Variants in PUDP observed in about 807,000 individuals in gnomAD.
PUDP encodes pseudouridine 5'-phosphatase.
PUDP carries 8 observed loss-of-function variants against 9.4 expected under a neutral mutation model. The observed-to-expected ratio is 0.85, with a 90% CI of 0.50 to 1.53. The LOEUF is 1.53. Ranked by LOEUF, PUDP falls within the 40% of genes most tolerant of loss-of-function variation. The probability of loss-of-function intolerance (pLI) is 0.00; values close to 1 mark genes in which losing one functional copy is unlikely to be tolerated. For missense variants in PUDP, 188 were observed against 189.7 expected (o/e 0.99, Z 0.05); for synonymous variants, 99 against 80.7 (o/e 1.23, Z -1.22).
At chrX:7,103,968 C>T (rs910448073) in intron 2 of PUDP, among the ~76,000 whole-genome samples, 2 of 111,881 alleles carry the variant, frequency 1.8e-5, no homozygotes, top group Non-Finnish European at 3.8e-5. Flanking sequence ...AATGGTGTAA[C>T]AACTATGGAA....
At chrX:7,047,422 T>A (rs1929997195), downstream of PUDP, among the ~76,000 whole-genome samples, 1 of 112,378 alleles carries the variant, frequency 8.9e-6, no homozygotes, top group Admixed American at 9.4e-5. Flanking sequence ...ATTGTGTGGC[T>A]AATGAAGGAG....
chrX:6,708,274 C>T (rs1328446520), intron 1 of PUDP, among the ~76,000 whole-genome samples: 1 of 111,101 alleles, frequency 9.0e-6, no homozygotes, highest in African/African-American at 3.3e-5. Flanking sequence ...GCAAGGATGC[C>T]CCAAGCAGTG....
chrX:6,850,275 G>A (rs979711817), intron 3 of PUDP, among the ~76,000 whole-genome samples: 1 of 112,045 alleles, frequency 8.9e-6, no homozygotes, highest in Non-Finnish European at 1.9e-5. Flanking sequence ...TAAAGTGCAC[G>A]TCAGTTGTTC....
intron 3 of PUDP, among the ~76,000 whole-genome samples, chrX:6,780,164 C>T (rs1264278626): frequency 9.1e-6 from 1 of 109,514 alleles, no homozygotes; most frequent in Non-Finnish European, 1.9e-5. Flanking sequence ...CATATATACA[C>T]ATACACACAC....
At chrX:7,116,974 C>T in intron 1 of PUDP, 1 of 1,167,081 alleles carries the variant, frequency 8.6e-7, no homozygotes, top group Non-Finnish European at 1.1e-6. Context: ...ACCCGTCCAC[C>T]GTGATTGTAA....
At chrX:6,823,113 G>A (rs1165120911) in intron 3 of PUDP, among the ~76,000 whole-genome samples, 1 of 111,481 alleles carries the variant, frequency 9.0e-6, no homozygotes, top group Non-Finnish European at 1.9e-5. Context: ...GGGAGGTGAG[G>A]TTGCAGTGAG....
chrX:6,739,925 A>G (rs1924915677), intron 3 of PUDP, among the ~76,000 whole-genome samples: 1 of 111,155 alleles, frequency 9.0e-6, no homozygotes, highest in African/African-American at 3.3e-5. Context: ...TGCTCTTCTC[A>G]TTTATTTATT....
intron 1 of PUDP, among the ~76,000 whole-genome samples, chrX:7,140,849 T>C (rs1932788323): frequency 8.9e-6 from 1 of 112,376 alleles, no homozygotes; most frequent in African/African-American, 3.2e-5. Context: ...GACGTGTCTG[T>C]GTCACGTTTT....
At chrX:7,098,576 A>G (rs969722415) in intron 2 of PUDP, among the ~76,000 whole-genome samples, 3 of 111,751 alleles carry the variant, frequency 2.7e-5, no homozygotes, top group South Asian at 7.6e-4. Flanking sequence ...CATGTCAGTC[A>G]GTACTCCTAC....
In PUDP at chrX:6,931,171, T is replaced by C. The variant is rs781756514; in HGVS notation, c.*247+45962A>G. On this transcript the variant is annotated intron_variant and NMD_transcript_variant, in intron 3 of 3. Coordinates refer to the PUDP transcript ENST00000655425. Reference sequence around the variant, plus strand: ...GTGCCTCTCACACACGTTCCATCTCTGCATTGATTGGAATTATTATTAGCG... The same window carrying C: ...GTGCCTCTCACACACGTTCCATCTCCGCATTGATTGGAATTATTATTAGCG... 2.7e-5 allele frequency among the ~76,000 whole-genome samples: 3 copies of C among 111,209 alleles called. No individual in the cohort carries two copies. In the Admixed American group the frequency reaches 2.9e-4, roughly 11 times the overall value.
chrX:6,827,009 A>G (rs745862584), intron 3 of PUDP, among the ~76,000 whole-genome samples: 1 of 111,904 alleles, frequency 8.9e-6, no homozygotes, highest in East Asian at 2.8e-4. Flanking sequence ...ATTGTTAGGG[A>G]TTGTCATGGA....
intron 3 of PUDP, among the ~76,000 whole-genome samples, chrX:6,820,909 CTG>C (rs972898244): frequency 8.9e-6 from 1 of 111,955 alleles, no homozygotes; most frequent in Non-Finnish European, 1.9e-5. Flanking sequence ...AGTAGGGACT[CTG>C]TGTGGGGGCT....
chrX:6,775,209 G>C (rs530277402), intron 3 of PUDP, among the ~76,000 whole-genome samples: 1 of 111,588 alleles, frequency 9.0e-6, no homozygotes, highest in African/African-American at 3.3e-5. Flanking sequence ...ACAATATGTG[G>C]TCTTTTGTGT....
chrX:6,748,128 A>G (rs1051931205), intron 3 of PUDP, among the ~76,000 whole-genome samples: 1 of 111,856 alleles, frequency 8.9e-6, no homozygotes. Flanking sequence ...TGTCATCTTC[A>G]TTGCAGAATA....
intron 3 of PUDP, among the ~76,000 whole-genome samples, chrX:6,748,305 T>C (rs1178044481): frequency 2.7e-5 from 3 of 112,028 alleles, no homozygotes; most frequent in African/African-American, 9.7e-5. Flanking sequence ...CAGGCTTCTT[T>C]TATGTTCAAC....
At chrX:6,794,638 T>G (rs924308603) in intron 3 of PUDP, among the ~76,000 whole-genome samples, 13 of 108,010 alleles carry the variant, frequency 1.2e-4, no homozygotes, top group Non-Finnish European at 1.5e-4. Flanking sequence ...TGGTGCAATC[T>G]CGGGTCACTG....
downstream of PUDP, among the ~76,000 whole-genome samples, chrX:7,044,511 T>C (rs1258978383): frequency 8.9e-6 from 1 of 112,654 alleles, no homozygotes; most frequent in African/African-American, 3.2e-5. Flanking sequence ...ATGATGAAGT[T>C]TTCTGGAGTG....
chrX:6,943,683 A>T (rs754281821), intron 3 of PUDP, among the ~76,000 whole-genome samples: 4 of 111,755 alleles, frequency 3.6e-5, no homozygotes, highest in Non-Finnish European at 5.6e-5. Flanking sequence ...GGTAGGTGTT[A>T]TCTGTACTCA....
At chrX:6,767,502 C>CT (rs1465331983) in intron 3 of PUDP, among the ~76,000 whole-genome samples, 1 of 112,440 alleles carries the variant, frequency 8.9e-6, no homozygotes, top group Non-Finnish European at 1.9e-5. Context: ...TTTTAATGGT[C>CT]TTACCTTGCT....
Sources: allele counts gnomAD v4.1 joint callset (sites outside exome capture counted in the v4.1 genomes callset), GRCh38; gene constraint gnomAD v4.1.1; transcripts MANE v1.5; gene names NCBI Gene and HGNC (gene_info 2026-07-23, HGNC 2026-07-21).